Variants in STARD13 observed in about 807,000 individuals in gnomAD.
STARD13 encodes stAR-related lipid transfer protein 13.
STARD13 carries 62 observed loss-of-function variants against 106.4 expected under a neutral mutation model. That is an observed-to-expected ratio of 0.58 (90% CI 0.48 to 0.72). The LOEUF (loss-of-function observed/expected upper bound fraction) is 0.72, where lower values mean the gene tolerates loss of function less well. Ranked by LOEUF, STARD13 falls within the 30% of genes least tolerant of loss-of-function variation. The probability of loss-of-function intolerance (pLI) is 0.00; values close to 1 mark genes in which losing one functional copy is unlikely to be tolerated. For synonymous variants in STARD13, 565 were observed against 553.0 expected (o/e 1.02, Z -0.31); for missense variants, 1,387 against 1,424.0 (o/e 0.97, Z 0.42).
At chr13:33,484,251 T>C in the STARD13 span, among the ~76,000 whole-genome samples, 1 of 152,124 alleles carries the variant, frequency 6.6e-6, no homozygotes, top group Non-Finnish European at 1.5e-5. Context: ...TTTATAAAAC[T>C]AAAACATGGT....
At chr13:33,421,396 G>A in the STARD13 span, among the ~76,000 whole-genome samples, 1 of 152,170 alleles carries the variant, frequency 6.6e-6, no homozygotes, top group Non-Finnish European at 1.5e-5. Flanking sequence ...ACTAAACCAG[G>A]AAGAAGTGGA....
At chr13:33,170,044 G>A (rs1177460544) in intron 1 of STARD13, among the ~76,000 whole-genome samples, 1 of 73,900 alleles carries the variant, frequency 1.4e-5, no homozygotes, top group African/African-American at 4.9e-5. Context: ...GATCATTAAT[G>A]GGTACAAAAA....
chr13:33,425,845 C>G, the STARD13 span, among the ~76,000 whole-genome samples: 2 of 152,154 alleles, frequency 1.3e-5, no homozygotes, highest in Non-Finnish European at 2.9e-5. Context: ...GGACATGTTA[C>G]CAAGGATGAT....
At chr13:33,673,829 G>A in the STARD13 span, among the ~76,000 whole-genome samples, 118 of 150,900 alleles carry the variant, frequency 7.8e-4, no homozygotes, top group Non-Finnish European at 6.8e-4. Context: ...GAGCCACTGA[G>A]CTAGGCCCAG....
the STARD13 span, among the ~76,000 whole-genome samples, chr13:33,539,255 TAA>T: frequency 2.0e-5 from 3 of 152,086 alleles, no homozygotes; most frequent in African/African-American, 7.2e-5. Context: ...AAACAGAAAT[TAA>T]AGATCAAAAT....
chr13:33,665,230 C>A, the STARD13 span, among the ~76,000 whole-genome samples: 1 of 152,110 alleles, frequency 6.6e-6, no homozygotes, highest in South Asian at 2.1e-4. Flanking sequence ...CTGGAGAAAA[C>A]CTGAATCCCT....
intron 7 of STARD13, among the ~76,000 whole-genome samples, chr13:33,124,327 T>C (rs991329239): frequency 2.0e-5 from 3 of 152,244 alleles, no homozygotes; most frequent in Non-Finnish European, 4.4e-5. Flanking sequence ...TGACTGACTG[T>C]GGTGAAAGTC....
intron 1 of STARD13, among the ~76,000 whole-genome samples, chr13:33,305,420 C>A (rs920497550): frequency 6.6e-6 from 1 of 152,178 alleles, no homozygotes; most frequent in Admixed American, 6.5e-5. Context: ...CGGTAACTAG[C>A]AGGACACTTT....
At chr13:33,120,174 C>CT (rs2138112467) in intron 7 of STARD13, among the ~76,000 whole-genome samples, 1 of 152,282 alleles carries the variant, frequency 6.6e-6, no homozygotes, top group East Asian at 1.9e-4. Flanking sequence ...AGAATTCCTA[C>CT]TTTTTTAACA....
intron 1 of STARD13, among the ~76,000 whole-genome samples, chr13:33,243,592 A>G (rs1379837892): frequency 6.6e-6 from 1 of 152,190 alleles, no homozygotes; most frequent in Non-Finnish European, 1.5e-5. Flanking sequence ...TGAAGGATGA[A>G]CCATAAAGGA....
intron 1 of STARD13, among the ~76,000 whole-genome samples, chr13:33,256,192 G>A (rs1225917705): frequency 2.0e-5 from 3 of 152,226 alleles, no homozygotes. Context: ...GCCCTGGGCT[G>A]TGACCACTCT....
At chr13:33,631,465 A>G in the STARD13 span, among the ~76,000 whole-genome samples, 1 of 152,230 alleles carries the variant, frequency 6.6e-6, no homozygotes, top group African/African-American at 2.4e-5. Context: ...TTGGTAAATC[A>G]TGTATAAGAG....
At chr13:33,499,597 CTTCTTCTTTCTTCTTCTTCTTCTT>C in the STARD13 span, among the ~76,000 whole-genome samples, 23 of 59,536 alleles carry the variant, frequency 3.9e-4, no homozygotes, top group East Asian at 2.9e-3. Context: ...TCTTCTTCTT[CTTCTTCTTTCTTCTTCTTCTTCTT>C]CTTCTTCTTC....
the STARD13 span, among the ~76,000 whole-genome samples, chr13:33,515,126 C>A: frequency 6.6e-6 from 1 of 152,130 alleles, no homozygotes; most frequent in Non-Finnish European, 1.5e-5. Context: ...TTCAAATGTT[C>A]TGGCTTCAGT....
the STARD13 span, among the ~76,000 whole-genome samples, chr13:33,364,445 A>G: frequency 2.0e-5 from 3 of 152,230 alleles, no homozygotes; most frequent in Non-Finnish European, 2.9e-5. Context: ...TACTCTTAAT[A>G]TTTAAGAGTT....
chr13:33,574,016 A>T, the STARD13 span, among the ~76,000 whole-genome samples: 4 of 152,202 alleles, frequency 2.6e-5, no homozygotes, highest in Admixed American at 6.6e-5. Context: ...CTTGTCCTTA[A>T]AAAAATGAAC....
At chr13:33,354,642 A>G (rs2078109128), upstream of STARD13, among the ~76,000 whole-genome samples, 1 of 152,204 alleles carries the variant, frequency 6.6e-6, no homozygotes, top group African/African-American at 2.4e-5. Flanking sequence ...CTATTCCTAT[A>G]GTTTTAAATG....
At chr13:33,256,635 A>C (rs1011838875) in intron 1 of STARD13, among the ~76,000 whole-genome samples, 2 of 152,188 alleles carry the variant, frequency 1.3e-5, no homozygotes, top group African/African-American at 4.8e-5. Flanking sequence ...TAAATTCTGA[A>C]TGAATACTGC....
At chr13:33,444,103 G>A in the STARD13 span, among the ~76,000 whole-genome samples, 1 of 152,098 alleles carries the variant, frequency 6.6e-6, no homozygotes, top group East Asian at 1.9e-4. Context: ...AGTATAGTTA[G>A]ATCACGTGTC....
Sources: gnomAD v4.1 joint callset for allele counts (sites outside exome capture counted in the v4.1 genomes callset) on GRCh38, gnomAD v4.1.1 for gene constraint, MANE v1.5 for transcripts, NCBI Gene and HGNC (gene_info 2026-07-23, HGNC 2026-07-21) for gene names.